The following FBXL17 variants were observed in gnomAD, a reference collection of about 807,000 sequenced individuals.
FBXL17 encodes the protein F-box and leucine rich repeat protein 17, also known as F-box/LRR-repeat protein 17.
In FBXL17, 22 loss-of-function variants were observed where a neutral mutation model predicts 66.2. That is an observed-to-expected ratio of 0.33 (90% CI 0.24 to 0.47). FBXL17 has a LOEUF of 0.47. Among genes scored for constraint, FBXL17 ranks in the 20% least tolerant of loss-of-function variants. FBXL17 has a pLI of 1.00. For missense variants in FBXL17, 878 were observed against 948.2 expected, an observed-to-expected ratio of 0.93 and a Z score of 0.97; for synonymous variants, 474 against 400.5, an observed-to-expected ratio of 1.18 and a Z score of -2.19.
intron 6 of FBXL17, among the ~76,000 whole-genome samples, chr5:108,177,722 A>T (rs1171038076): frequency 6.6e-6 from 1 of 151,940 alleles, no homozygotes; most frequent in Non-Finnish European, 1.5e-5. Flanking sequence ...TGGTTCCTCT[A>T]GTTGTGAACT....
intron 6 of FBXL17, among the ~76,000 whole-genome samples, chr5:108,089,235 G>C (rs1461221423): frequency 6.6e-6 from 1 of 152,148 alleles, no homozygotes; most frequent in Non-Finnish European, 1.5e-5. Context: ...GTTAGAATTT[G>C]TGCCCCTTGT....
intron 7 of FBXL17, among the ~76,000 whole-genome samples, chr5:108,006,295 A>G (rs557616112): frequency 1.3e-5 from 2 of 152,232 alleles, no homozygotes; most frequent in Non-Finnish European, 2.9e-5. Flanking sequence ...ATAAGATAGG[A>G]AGAAGACAAA....
At chr5:107,970,084 G>C (rs1752309013) in intron 7 of FBXL17, among the ~76,000 whole-genome samples, 1 of 152,118 alleles carries the variant, frequency 6.6e-6, no homozygotes, top group African/African-American at 2.4e-5. Flanking sequence ...GGCTATGTAA[G>C]GATTGTATCA....
intron 7 of FBXL17, among the ~76,000 whole-genome samples, chr5:107,986,082 A>C (rs1267218457): frequency 6.6e-6 from 1 of 152,142 alleles, no homozygotes; most frequent in Non-Finnish European, 1.5e-5. Context: ...TTTTGACTAG[A>C]GATATAATCT....
chr5:108,381,304 C>A lies in FBXL17; in HGVS notation c.388G>T (p.Ala130Ser). ...LLSSAAAAAA[A>S]AASASSPASC... ...GCGGGCGACGAAGCCGAGGCGGCAGCGGCGGCGGCGGCGGCGGCCGAGGAT... is the reference window on the plus strand; with the variant it reads ...GCGGGCGACGAAGCCGAGGCGGCAGAGGCGGCGGCGGCGGCGGCCGAGGAT... Residue 130 changes from alanine to serine, a missense_variant, in exon 1 of 9, where the codon GCT becomes TCT. By Grantham distance (99) the Ala-to-Ser change is moderately conservative. Around this residue, in one of 4 missense-constraint regions of FBXL17, gnomAD observed 605 missense variants for 509.5 expected, o/e 1.19. Coordinates refer to ENST00000542267, the MANE Select transcript of FBXL17 (RefSeq NM_001163315.3). The A allele has an allele frequency of 7.4e-7, 1 of 1,356,324 alleles. No homozygotes were observed. Among genetic ancestry groups the A allele is most frequent in the Non-Finnish European group, 9.5e-7 (1 of 1,056,880 alleles). The allele number at this position is 1,356,324 out of a possible 1,614,324, so 84.0% of individuals were successfully genotyped here.
At chr5:107,921,441 GT>G (rs1750315482) in intron 7 of FBXL17, among the ~76,000 whole-genome samples, 1 of 152,188 alleles carries the variant, frequency 6.6e-6, no homozygotes, top group Non-Finnish European at 1.5e-5. Flanking sequence ...AGCCGCTTTA[GT>G]AGATTTTCCA....
In FBXL17 at chr5:108,381,302, AGCGGCGGCG is replaced by A. The variant is rs754351405; in HGVS notation, c.381_389del (p.Ala130_Ala132del). 227 of 1,401,040 alleles carry A rather than the reference AGCGGCGGCG, an allele frequency of 1.6e-4. No individual in the cohort carries two copies. Among genetic ancestry groups the A allele is most frequent in the East Asian group, 3.7e-4 (12 of 32,432 alleles). The allele number at this position is 1,401,040 out of a possible 1,614,324, so 86.8% of individuals were successfully genotyped here. ...AGGCGGGCGACGAAGCCGAGGCGGC[AGCGGCGGCG>A]GCGGCGGCGGCCGAGGATAGCAGGA... On this transcript the variant is annotated inframe_deletion, in exon 1 of 9. Coordinates refer to ENST00000542267, the MANE Select transcript of FBXL17 (RefSeq NM_001163315.3).
chr5:108,209,551 G>T (rs1176119830), intron 5 of FBXL17, among the ~76,000 whole-genome samples: 1 of 152,090 alleles, frequency 6.6e-6, no homozygotes, highest in African/African-American at 2.4e-5. Flanking sequence ...GGCCTTTTCT[G>T]CATCTATTGA....
chr5:108,329,700 C>A (rs1760028054), intron 4 of FBXL17, among the ~76,000 whole-genome samples: 1 of 152,110 alleles, frequency 6.6e-6, no homozygotes. Flanking sequence ...AAAATAGCTT[C>A]TTTAACTTTA....
chr5:108,381,321 G>A lies in FBXL17; in HGVS notation c.371C>T (p.Ala124Val). The change falls in exon 1 of 9, where the codon GCC (alanine) becomes GTC (valine). Residue 124 changes from alanine (A) to valine (V), a missense_variant. Coordinates refer to ENST00000542267, the MANE Select transcript of FBXL17 (RefSeq NM_001163315.3). ...AAARRFLLSS[A>V]AAAAAAAASA... ...GGCGGCAGCGGCGGCGGCGGCGGCG[G>A]CCGAGGATAGCAGGAAGCGGCGGGC... 1.4e-6 allele frequency: 2 copies of A among 1,391,922 alleles called. No individual in the cohort carries two copies. The highest frequency in any genetic ancestry group is 1.6e-5 in the South Asian group (1 of 63,728). 86.2% of individuals were successfully genotyped at this position (1,391,922 alleles called of 1,614,324 possible).
Position 107,915,571 on chromosome 5 carries a change from T to C in FBXL17, c.1823-34392A>G, listed in dbSNP as rs377629300. 4.6e-5 allele frequency among the ~76,000 whole-genome samples: 7 copies of C among 152,340 alleles called. No homozygotes were observed. In the East Asian group the frequency reaches 1.2e-3, roughly 25 times the overall value. ...ATGAAAGTAATGAGATGTTTTCCCC[T>C]TAGCTTCTAAGAAATTTACAGTGAG... is the stretch of plus-strand genomic sequence containing the variant. On this transcript the variant is annotated intron_variant, in intron 7 of 8. Coordinates refer to ENST00000542267, the MANE Select transcript of FBXL17 (RefSeq NM_001163315.3).
chr5:107,880,897 A>G (rs1748766940), intron 8 of FBXL17, 140 bp downstream of exon 8: 1 of 1,442,518 alleles, frequency 6.9e-7, no homozygotes, highest in Non-Finnish European at 9.1e-7. Flanking sequence ...ATGCATAGCT[A>G]TAATTGCATA....
intron 7 of FBXL17, among the ~76,000 whole-genome samples, chr5:107,913,335 G>A (rs1405126119): frequency 6.6e-6 from 1 of 152,088 alleles, no homozygotes; most frequent in Non-Finnish European, 1.5e-5. Flanking sequence ...TGTAGAAATG[G>A]CATGTCAAGT....
At chr5:107,897,811 A>C (rs1749432093) in intron 7 of FBXL17, among the ~76,000 whole-genome samples, 1 of 152,158 alleles carries the variant, frequency 6.6e-6, no homozygotes, top group Non-Finnish European at 1.5e-5. Context: ...CTGTGAAAAC[A>C]ATCACTGCTG....
At chr5:108,287,016 A>G (rs946029428) in intron 4 of FBXL17, among the ~76,000 whole-genome samples, 4 of 152,046 alleles carry the variant, frequency 2.6e-5, no homozygotes, top group African/African-American at 7.2e-5. Context: ...GTCAACAAAA[A>G]CAAGCAATGG....
In FBXL17 at chr5:108,381,671, C is replaced by T. The variant is rs751635429; in HGVS notation, c.21G>A (p.Lys7=). 100 of 1,472,834 alleles carry T rather than the reference C, an allele frequency of 6.8e-5. No homozygotes were observed. The highest frequency in any genetic ancestry group is 8.9e-5 in the Non-Finnish European group (99 of 1,116,190). 91.2% of individuals were successfully genotyped at this position (1,472,834 alleles called of 1,614,324 possible). A position where few individuals can be genotyped will look rare whatever the true frequency, so the allele number is the denominator to read the frequency against. The part of the protein sequence containing the change: MGHLLS[K]EPRNRPSQKR... Reference sequence around the variant, plus strand: ...TCTGGCTCGGGCGGTTACGCGGCTCCTTCGAGAGAAGGTGGCCCATATAGA... The same window carrying T: ...TCTGGCTCGGGCGGTTACGCGGCTCTTTCGAGAGAAGGTGGCCCATATAGA... The change falls in exon 1 of 9, where the codon AAG becomes AAA. Residue 7 remains lysine (K), a synonymous_variant. Coordinates refer to ENST00000542267, the MANE Select transcript of FBXL17 (RefSeq NM_001163315.3).
At chr5:108,315,633 A>G (rs1389596308) in intron 4 of FBXL17, among the ~76,000 whole-genome samples, 1 of 150,548 alleles carries the variant, frequency 6.6e-6, no homozygotes, top group Non-Finnish European at 1.5e-5. Context: ...AAAAGAGAGA[A>G]AAAAAATCCT....
chr5:108,212,875 T>G (rs943064682), intron 5 of FBXL17, among the ~76,000 whole-genome samples: 2 of 152,210 alleles, frequency 1.3e-5, no homozygotes, highest in Admixed American at 1.3e-4. Flanking sequence ...TTCAGAGCTG[T>G]CAGGCAGGAA....
intron 6 of FBXL17, among the ~76,000 whole-genome samples, chr5:108,066,683 TTCC>T (rs1748127643): frequency 6.6e-6 from 1 of 151,962 alleles, no homozygotes; most frequent in African/African-American, 2.4e-5. Context: ...AATTATAATT[TTCC>T]TCCATTTTAT....
Sources: gnomAD v4.1 joint callset for allele counts (sites outside exome capture counted in the v4.1 genomes callset) on GRCh38, gnomAD v4.1.1 for gene constraint, gnomAD v4.1.1 regional missense constraint, MANE v1.5 for transcripts, NCBI Gene and HGNC (gene_info 2026-07-23, HGNC 2026-07-21) for gene names.